Variants in RBM20 observed in about 807,000 individuals in gnomAD.
RBM20 encodes RNA binding motif protein 20, also known as RNA-binding protein 20.
A neutral mutation model predicts 110.1 loss-of-function variants in RBM20; 51 were observed. The observed-to-expected ratio is 0.46, with a 90% CI of 0.37 to 0.59. The LOEUF (loss-of-function observed/expected upper bound fraction) is 0.59. Among genes scored for constraint, RBM20 ranks in the 20% least tolerant of loss-of-function variants. RBM20 has a pLI of 0.00. For synonymous variants in RBM20, 589 were observed against 618.2 expected, an observed-to-expected ratio of 0.95 and a Z score of 0.70; for missense variants, 1,512 against 1,574.9, an observed-to-expected ratio of 0.96 and a Z score of 0.68.
intron 1 of RBM20, among the ~76,000 whole-genome samples, chr10:110,653,805 C>T (rs1861984603): frequency 6.6e-6 from 1 of 152,214 alleles, no homozygotes; most frequent in Non-Finnish European, 1.5e-5. Flanking sequence ...ATCCTCCTGC[C>T]TCAGCCTCCC....
intron 1 of RBM20, among the ~76,000 whole-genome samples, chr10:110,672,092 G>A (rs1287056582): frequency 1.3e-5 from 2 of 152,098 alleles, no homozygotes; most frequent in African/African-American, 2.4e-5. Context: ...GACGGCTCTC[G>A]GAGGCTCCTG....
At chr10:110,700,791 G>A (rs1211765855) in intron 1 of RBM20, among the ~76,000 whole-genome samples, 4 of 152,086 alleles carry the variant, frequency 2.6e-5, no homozygotes, top group South Asian at 4.2e-4. Flanking sequence ...TGAGGCGGGC[G>A]GATCACCTGA....
intron 1 of RBM20, among the ~76,000 whole-genome samples, chr10:110,716,633 G>A (rs1297233228): frequency 1.3e-5 from 2 of 152,114 alleles, no homozygotes; most frequent in Admixed American, 1.3e-4. Flanking sequence ...AAGAATTATG[G>A]CTGGGCGTGG....
intron 1 of RBM20, among the ~76,000 whole-genome samples, chr10:110,681,765 C>T (rs770824263): frequency 2.6e-5 from 4 of 152,220 alleles, no homozygotes; most frequent in Admixed American, 6.5e-5. Flanking sequence ...AGCCATGATA[C>T]ATTTATCACA....
chr10:110,758,081 C>T (rs1052643105), intron 1 of RBM20, among the ~76,000 whole-genome samples: 6 of 121,852 alleles, frequency 4.9e-5, no homozygotes, highest in South Asian at 5.4e-4. Context: ...TGCAGTGGTG[C>T]GATCTCAGCT....
intron 1 of RBM20, among the ~76,000 whole-genome samples, chr10:110,689,655 G>A (rs1862557600): frequency 6.6e-6 from 1 of 151,442 alleles, no homozygotes; most frequent in Admixed American, 6.6e-5. Flanking sequence ...TTTGTTTGTT[G>A]GGAAATTCCG....
At chr10:110,713,765 A>C (rs1407612762) in intron 1 of RBM20, among the ~76,000 whole-genome samples, 5 of 152,170 alleles carry the variant, frequency 3.3e-5, no homozygotes, top group African/African-American at 1.2e-4. Context: ...TGGATAAAGA[A>C]ATGGAAGCTT....
chr10:110,767,153 G>A (rs1268282258), intron 1 of RBM20, among the ~76,000 whole-genome samples: 1 of 116,426 alleles, frequency 8.6e-6, no homozygotes, highest in Non-Finnish European at 2.0e-5. Flanking sequence ...GTGGCTGGCC[G>A]GGCGGGGGGC....
chr10:110,684,251 C>T (rs1248037059), intron 1 of RBM20, among the ~76,000 whole-genome samples: 3 of 151,988 alleles, frequency 2.0e-5, no homozygotes, highest in African/African-American at 4.8e-5. Flanking sequence ...AAAAATTAGC[C>T]GGGTGTGGTG....
chr10:110,694,794 C>T (rs912267277), intron 1 of RBM20, among the ~76,000 whole-genome samples: 4 of 152,106 alleles, frequency 2.6e-5, no homozygotes, highest in African/African-American at 9.7e-5. Context: ...TTTAATCAGA[C>T]ACCACAAGGA....
At chr10:110,806,553 A>G (rs1428182470) in intron 7 of RBM20, among the ~76,000 whole-genome samples, 1 of 152,186 alleles carries the variant, frequency 6.6e-6, no homozygotes, top group Non-Finnish European at 1.5e-5. Flanking sequence ...AACCACCCAC[A>G]TGATCCAGTC....
At chr10:110,754,814 G>A (rs1210046867) in intron 1 of RBM20, among the ~76,000 whole-genome samples, 1 of 152,150 alleles carries the variant, frequency 6.6e-6, no homozygotes, top group Non-Finnish European at 1.5e-5. Context: ...GTCCAGGTCG[G>A]TTTCTGCTCT....
chr10:110,759,202 C>CTTGCA (rs1843962422), intron 1 of RBM20, among the ~76,000 whole-genome samples: 1 of 152,210 alleles, frequency 6.6e-6, no homozygotes, highest in Admixed American at 6.5e-5. Flanking sequence ...TTGTTCTGGA[C>CTTGCA]TTGCATCTTC....
At chr10:110,746,281 C>T (rs1113798) in intron 1 of RBM20, among the ~76,000 whole-genome samples, 52,362 of 152,058 alleles carry the variant, frequency 0.34, 9,966 homozygotes, top group East Asian at 0.51. Flanking sequence ...CATTCTGCTT[C>T]AAAGCAAGTC....
At chr10:110,768,247 AAGGGAG>A (rs60375640) in intron 1 of RBM20, among the ~76,000 whole-genome samples, 6 of 148,876 alleles carry the variant, frequency 4.0e-5, no homozygotes, top group Admixed American at 2.0e-4. Context: ...GAGGGAGGGA[AAGGGAG>A]AGGGAGAGGG....
rs376219219 is a variant in RBM20 at position 110,739,695 on chromosome 10, C to T, written c.192-41106C>T. On this transcript the variant is annotated intron_variant, in intron 1 of 13. Transcript: ENST00000369519. The surrounding 1 kb of genome is among the most constrained non-coding windows in gnomAD (Gnocchi z 4.1). ...CTAGCTGGGACGCTTCCTTGTGGTACGACTTGGGGCAACTTTGATCTTCTA... is the reference window on the plus strand; with the variant it reads ...CTAGCTGGGACGCTTCCTTGTGGTATGACTTGGGGCAACTTTGATCTTCTA... 1.1e-4 allele frequency among the ~76,000 whole-genome samples: 16 copies of T among 152,246 alleles called. No homozygotes were observed. The South Asian group carries it at 2.9e-3, about 28-fold the overall frequency.
intron 1 of RBM20, among the ~76,000 whole-genome samples, chr10:110,744,130 C>G (rs924183716): frequency 2.0e-5 from 3 of 152,156 alleles, no homozygotes; most frequent in African/African-American, 7.2e-5. Flanking sequence ...TGGGCAAACT[C>G]CTTCACCTCT....
intron 1 of RBM20, among the ~76,000 whole-genome samples, chr10:110,766,906 G>T (rs1287288491): frequency 6.7e-6 from 1 of 149,012 alleles, no homozygotes; most frequent in African/African-American, 2.5e-5. Context: ...GGGCGGCCGG[G>T]CAGAGGCGCC....
intron 8 of RBM20, among the ~76,000 whole-genome samples, chr10:110,811,698 C>A (rs187219018): frequency 1.3e-5 from 2 of 152,042 alleles, no homozygotes; most frequent in Admixed American, 1.3e-4. Flanking sequence ...AACCTCTGAG[C>A]GTGCCCTCCC....
Sources: gnomAD v4.1 joint callset for allele counts (sites outside exome capture counted in the v4.1 genomes callset) on GRCh38, gnomAD v4.1.1 for gene constraint, Gnocchi (gnomAD v3.1) non-coding constraint, MANE v1.5 for transcripts, NCBI Gene and HGNC (gene_info 2026-07-23, HGNC 2026-07-21) for gene names.